The following AMBRA1 variants were observed in gnomAD, a reference collection of about 807,000 sequenced individuals.
The protein encoded by AMBRA1 is autophagy and beclin 1 regulator 1.
Under a neutral mutation model 125.4 loss-of-function variants are expected in AMBRA1, and 47 were observed. The ratio of observed to expected loss-of-function variants is 0.37; its 90% confidence interval spans 0.30 to 0.48. The LOEUF (loss-of-function observed/expected upper bound fraction) is 0.48, where lower values mean the gene tolerates loss of function less well. Ranked by LOEUF, AMBRA1 falls within the 20% of genes least tolerant of loss-of-function variation. The pLI is 0.99. For missense variants in AMBRA1, 1,331 were observed against 1,693.4 expected (o/e 0.79, Z 3.76); for synonymous variants, 626 against 655.5 (o/e 0.95, Z 0.69).
intron 1 of AMBRA1, among the ~76,000 whole-genome samples, chr11:46,556,749 T>A (rs1229383087): frequency 6.6e-6 from 1 of 152,182 alleles, no homozygotes; most frequent in African/African-American, 2.4e-5. Flanking sequence ...AGTATGTATA[T>A]CACAGGGCTA....
At chr11:46,551,879 T>A (rs2043010794) in intron 1 of AMBRA1, among the ~76,000 whole-genome samples, 1 of 151,644 alleles carries the variant, frequency 6.6e-6, no homozygotes, top group Admixed American at 6.6e-5. Flanking sequence ...AATACAAAAA[T>A]TAGCCAGGCG....
chr11:46,580,929 G>A (rs1454970276), intron 1 of AMBRA1, among the ~76,000 whole-genome samples: 1 of 151,894 alleles, frequency 6.6e-6, no homozygotes, highest in Admixed American at 6.6e-5. Flanking sequence ...GTAGCTGTAA[G>A]CACAGGTGTG....
At chr11:46,398,052 T>C (rs1483997594) in intron 17 of AMBRA1, 109 bp from the exon 18 acceptor site, 12 of 1,396,332 alleles carry the variant, frequency 8.6e-6, no homozygotes, top group African/African-American at 1.5e-5. Context: ...AAACGCAGGA[T>C]AGAGAAAGAC....
chr11:46,457,358 TC>T (rs1948893006), intron 11 of AMBRA1, among the ~76,000 whole-genome samples: 1 of 152,144 alleles, frequency 6.6e-6, no homozygotes, highest in Non-Finnish European at 1.5e-5. Flanking sequence ...TGAGGTTAGA[TC>T]GGAAAATGGA....
chr11:46,566,963 C>CAG (rs1477048506), intron 1 of AMBRA1, among the ~76,000 whole-genome samples: 11 of 152,140 alleles, frequency 7.2e-5, no homozygotes, highest in Admixed American at 7.2e-4. Context: ...GTGCAGTGAT[C>CAG]AGAGATCGCA....
intron 16 of AMBRA1, 62 bp from the exon 17 acceptor site, chr11:46,408,768 C>A: frequency 2.8e-6 from 4 of 1,438,562 alleles, no homozygotes; most frequent in Non-Finnish European, 3.7e-6. Context: ...TCACAGCACT[C>A]TGCTGGCTCT....
chr11:46,424,573 G>C (rs1019002195), intron 14 of AMBRA1, among the ~76,000 whole-genome samples: 1 of 152,224 alleles, frequency 6.6e-6, no homozygotes, highest in Non-Finnish European at 1.5e-5. Flanking sequence ...CTCGCTGGGC[G>C]TGATGGCTCC....
intron 1 of AMBRA1, among the ~76,000 whole-genome samples, chr11:46,554,780 A>G (rs2135216387): frequency 1.3e-5 from 2 of 152,320 alleles, no homozygotes; most frequent in African/African-American, 4.8e-5. Flanking sequence ...AAAAGGAAGA[A>G]GAAACAAGTT....
At chr11:46,534,329 C>G (rs1206827500) in intron 7 of AMBRA1, among the ~76,000 whole-genome samples, 1 of 151,566 alleles carries the variant, frequency 6.6e-6, no homozygotes, top group Non-Finnish European at 1.5e-5. Context: ...CCCGTCTTTA[C>G]TAAAAATACA....
chr11:46,397,053 C>G lies in AMBRA1; in HGVS notation c.*397G>C, dbSNP rs565763007. 6.2e-6 allele frequency: 1 copy of G among 162,288 alleles called. No homozygotes were observed. Among genetic ancestry groups the G allele is most frequent in the Non-Finnish European group, 1.3e-5 (1 of 74,950 alleles). The allele number at this position is 162,288 out of a possible 1,614,324, so 10.1% of individuals were successfully genotyped here. On this transcript the variant is annotated 3_prime_UTR_variant, in exon 18 of 18. Coordinates refer to ENST00000683756, the MANE Select transcript of AMBRA1 (RefSeq NM_001387011.1). ...CACCCAACAGGTGGACAGGGCAAAGCTGCCTCGCGGGCCTCTGTCCAGGAT... is the reference window on the plus strand; with the variant it reads ...CACCCAACAGGTGGACAGGGCAAAGGTGCCTCGCGGGCCTCTGTCCAGGAT...
intron 7 of AMBRA1, among the ~76,000 whole-genome samples, chr11:46,531,578 TGG>T (rs1281318721): frequency 6.6e-6 from 1 of 151,780 alleles, no homozygotes; most frequent in African/African-American, 2.4e-5. Context: ...GGCCTGGTGG[TGG>T]GCACCTGTAA....
At position 46,562,100 on chromosome 11, in the gene AMBRA1, T is replaced by C. The variant is rs79611418; in HGVS notation, c.-120-13600A>G. Among the ~76,000 whole-genome samples, 21 of 152,318 alleles carry C rather than the reference T, an allele frequency of 1.4e-4. No individual in the cohort carries two copies. The East Asian group carries it at 2.5e-3, about 18-fold the overall frequency. The stretch of plus-strand genomic sequence containing the variant: ...ACTGAAAAAGGCTAGAAAGAAAATA[T>C]GGCAGGTGAAAGAAAACAACACACC... On this transcript the variant is annotated intron_variant, in intron 1 of 17. Transcript: ENST00000683756.
chr11:46,526,646 A>G (rs1180219247), intron 7 of AMBRA1, among the ~76,000 whole-genome samples: 1 of 151,918 alleles, frequency 6.6e-6, no homozygotes, highest in African/African-American at 2.4e-5. Context: ...AGTTTATTCT[A>G]ACTGGGCCTC....
intron 7 of AMBRA1, among the ~76,000 whole-genome samples, chr11:46,517,758 G>A (rs1951564592): frequency 6.7e-6 from 1 of 149,666 alleles, no homozygotes; most frequent in African/African-American, 2.5e-5. Context: ...TTGAACCCGG[G>A]AGGCAGAGGT....
rs772546229 is a variant in AMBRA1 at position 46,433,581 on chromosome 11, T to C, written c.2869A>G (p.Met957Val). Residue 957 changes from methionine (M) to valine (V), a missense_variant, in exon 14 of 18, where the codon ATG (methionine) becomes GTG (valine). Physicochemically the swap from Met to Val is conservative, Grantham distance 21. Transcript: ENST00000683756. The stretch of plus-strand genomic sequence containing the variant: ...ATCCTTCGTGAGGCCAAGCCCACCA[T>C]TACATATCTGCCCATTGGGGACAGG... ...VSLSPMGRYV[M>V]VGLASRRILL... is the part of the protein sequence containing the mutation. 3 of 1,614,030 alleles carry C rather than the reference T, an allele frequency of 1.9e-6. No homozygotes were observed. The highest frequency in any genetic ancestry group is 2.2e-5 in the East Asian group (1 of 44,894).
chr11:46,492,035 G>A (rs928502589), intron 11 of AMBRA1, among the ~76,000 whole-genome samples: 3 of 152,228 alleles, frequency 2.0e-5, no homozygotes, highest in African/African-American at 7.2e-5. Context: ...CTAGAGTATT[G>A]TCTGGCAGCA....
intron 17 of AMBRA1, among the ~76,000 whole-genome samples, chr11:46,407,833 A>G (rs988259237): frequency 2.0e-5 from 3 of 152,126 alleles, no homozygotes; most frequent in African/African-American, 7.2e-5. Context: ...GTTTGGAGCT[A>G]GGATCAGCAA....
intron 14 of AMBRA1, among the ~76,000 whole-genome samples, chr11:46,423,117 C>G (rs1470696309): frequency 6.6e-6 from 1 of 152,166 alleles, no homozygotes; most frequent in Non-Finnish European, 1.5e-5. Context: ...AGACAGCTGA[C>G]CTTTCCATTG....
intron 1 of AMBRA1, among the ~76,000 whole-genome samples, chr11:46,585,496 ACT>A (rs1269950194): frequency 6.8e-6 from 1 of 146,556 alleles, no homozygotes; most frequent in Non-Finnish European, 1.5e-5. Flanking sequence ...TGAAAGCCCG[ACT>A]CTACTAAAAA....
Sources: allele counts gnomAD v4.1 joint callset (sites outside exome capture counted in the v4.1 genomes callset), GRCh38; gene constraint gnomAD v4.1.1; transcripts MANE v1.5; gene names NCBI Gene and HGNC (gene_info 2026-07-23, HGNC 2026-07-21).